AMPH: variants seen among roughly 807,000 people sequenced by gnomAD.
AMPH encodes the protein amphiphysin (Stiff-Mann syndrome with breast cancer 128kD autoantigen).
Under a neutral mutation model 99.1 loss-of-function variants are expected in AMPH, and 49 were observed. That is an observed-to-expected ratio of 0.49 (90% CI 0.39 to 0.63). The LOEUF is 0.63. AMPH is among the 20% of genes least tolerant of loss of function. The probability of loss-of-function intolerance (pLI) is 0.00; values close to 1 mark genes in which losing one functional copy is unlikely to be tolerated. For missense variants in AMPH, 759 were observed against 863.4 expected, an observed-to-expected ratio of 0.88 and a Z score of 1.52; for synonymous variants, 314 against 317.3, an observed-to-expected ratio of 0.99 and a Z score of 0.11.
chr7:38,614,267 C>T (rs1483723916), intron 1 of AMPH, among the ~76,000 whole-genome samples: 1 of 152,148 alleles, frequency 6.6e-6, no homozygotes, highest in Non-Finnish European at 1.5e-5. Context: ...CTGGGGGCAA[C>T]CTGCAATCTC....
chr7:38,586,811 T>C (rs1206363776), intron 1 of AMPH, among the ~76,000 whole-genome samples: 1 of 152,224 alleles, frequency 6.6e-6, no homozygotes, highest in East Asian at 1.9e-4. Flanking sequence ...TTACATGTCT[T>C]CTCTTTCATC....
chr7:38,606,490 CT>C (rs1375101031), intron 1 of AMPH, among the ~76,000 whole-genome samples: 2 of 151,418 alleles, frequency 1.3e-5, no homozygotes, highest in Non-Finnish European at 2.9e-5. Flanking sequence ...ATTATGTGGC[CT>C]TTGGTGACCA....
intron 7 of AMPH, among the ~76,000 whole-genome samples, chr7:38,470,232 C>T (rs1180770662): frequency 6.6e-6 from 1 of 152,150 alleles, no homozygotes; most frequent in Non-Finnish European, 1.5e-5. Context: ...AGAAAGCTCC[C>T]CTTGCCCTCT....
chr7:38,466,349 T>G, intron 7 of AMPH, 101 bp from the exon 8 acceptor site: 1 of 908,898 alleles, frequency 1.1e-6, no homozygotes, highest in Non-Finnish European at 1.7e-6. Flanking sequence ...CAGGTTTCTT[T>G]TACACCATTT....
intron 1 of AMPH, among the ~76,000 whole-genome samples, chr7:38,574,397 A>G (rs1175018072): frequency 1.3e-5 from 2 of 152,194 alleles, no homozygotes; most frequent in Non-Finnish European, 2.9e-5. Flanking sequence ...CTCAAACAGC[A>G]GGATCCTCAA....
intron 1 of AMPH, among the ~76,000 whole-genome samples, chr7:38,558,432 C>G (rs1584243723): frequency 6.6e-6 from 1 of 152,332 alleles, no homozygotes; most frequent in East Asian, 1.9e-4. Flanking sequence ...TGGTTTTATA[C>G]TGCATCTTTG....
At chr7:38,500,850 TTC>T (rs1214034360) in intron 3 of AMPH, among the ~76,000 whole-genome samples, 1 of 152,218 alleles carries the variant, frequency 6.6e-6, no homozygotes, top group Non-Finnish European at 1.5e-5. Flanking sequence ...TGAGACTTAC[TTC>T]TTTGCAAATG....
At chr7:38,588,205 G>A (rs1015329974) in intron 1 of AMPH, among the ~76,000 whole-genome samples, 4 of 151,930 alleles carry the variant, frequency 2.6e-5, no homozygotes, top group Admixed American at 6.6e-5. Context: ...CAGCTGTCTC[G>A]GCCTCCCAAA....
At chr7:38,455,623 C>G (rs1236357713) in intron 11 of AMPH, among the ~76,000 whole-genome samples, 4 of 152,126 alleles carry the variant, frequency 2.6e-5, no homozygotes, top group Non-Finnish European at 2.9e-5. Context: ...GTGAGAATTC[C>G]CAGGACTCCA....
intron 9 of AMPH, chr7:38,464,044 T>C (rs1009192456): frequency 8.5e-6 from 11 of 1,288,506 alleles, no homozygotes; most frequent in African/African-American, 6.1e-5. Context: ...GATGGAAACA[T>C]AGCCCCAATC....
At chr7:38,510,843 G>C (rs1232360898) in intron 2 of AMPH, among the ~76,000 whole-genome samples, 1 of 152,114 alleles carries the variant, frequency 6.6e-6, no homozygotes, top group African/African-American at 2.4e-5. Flanking sequence ...ATGCTCTCAG[G>C]ATACAGTCCT....
intron 1 of AMPH, among the ~76,000 whole-genome samples, chr7:38,570,397 T>C (rs1169647512): frequency 6.6e-6 from 1 of 152,146 alleles, no homozygotes; most frequent in Non-Finnish European, 1.5e-5. Flanking sequence ...AGTACAGTCA[T>C]GAGCCGCATA....
intron 19 of AMPH, among the ~76,000 whole-genome samples, chr7:38,390,392 G>A (rs1356851487): frequency 6.6e-6 from 1 of 152,020 alleles, no homozygotes; most frequent in African/African-American, 2.4e-5. Context: ...ATGGCAACCA[G>A]TTTCTTTTCC....
In AMPH at chr7:38,564,531, C is replaced by T. The variant is rs188012461; in HGVS notation, c.70-29520G>A. ...GACCAGAGAGCTGGTGCCCAAAGAC[C>T]ATGGGGAACAAGCCATGCCTCAGGG... On this transcript the variant is annotated intron_variant, in intron 1 of 20. Transcript: ENST00000356264. Among the ~76,000 whole-genome samples, 13 of 152,268 alleles carry T rather than the reference C, an allele frequency of 8.5e-5. No individual in the cohort carries two copies. In the East Asian group the frequency reaches 2.5e-3, roughly 29 times the overall value.
intron 1 of AMPH, among the ~76,000 whole-genome samples, chr7:38,564,996 T>C (rs3956762): frequency 0.033 from 4,972 of 151,180 alleles, 178 homozygotes; most frequent in Admixed American, 0.051. Context: ...TGGTGGCGGG[T>C]GCCTGTAGTC....
chr7:38,601,204 C>T (rs575487469), intron 1 of AMPH, among the ~76,000 whole-genome samples: 1 of 152,302 alleles, frequency 6.6e-6, no homozygotes, highest in South Asian at 2.1e-4. Flanking sequence ...AATGTCAAGG[C>T]CTCATCCACA....
intron 2 of AMPH, among the ~76,000 whole-genome samples, chr7:38,520,518 G>A (rs1459710839): frequency 6.6e-6 from 1 of 152,190 alleles, no homozygotes; most frequent in Admixed American, 6.5e-5. Flanking sequence ...GCCATTGAAG[G>A]TTTGTAAAAA....
intron 1 of AMPH, among the ~76,000 whole-genome samples, chr7:38,585,442 G>A (rs1238121844): frequency 6.6e-6 from 1 of 152,182 alleles, no homozygotes; most frequent in African/African-American, 2.4e-5. Flanking sequence ...ACTCACAGGG[G>A]CTTTTGCAAA....
intron 2 of AMPH, 41 bp from the exon 3 acceptor site, chr7:38,503,745 TTC>T: frequency 6.3e-7 from 1 of 1,597,894 alleles, no homozygotes; most frequent in Non-Finnish European, 8.6e-7. Context: ...CTAGTCTATA[TTC>T]TGCATGAAAA....
Sources: gnomAD v4.1 joint callset for allele counts (sites outside exome capture counted in the v4.1 genomes callset) on GRCh38, gnomAD v4.1.1 for gene constraint, MANE v1.5 for transcripts, NCBI Gene and HGNC (gene_info 2026-07-23, HGNC 2026-07-21) for gene names.